CLSTN2: variants seen among roughly 807,000 people sequenced by gnomAD.
The protein encoded by CLSTN2 is calsyntenin 2.
A neutral mutation model predicts 101.2 loss-of-function variants in CLSTN2; 48 were observed. That is an observed-to-expected ratio of 0.47 (90% CI 0.38 to 0.60). The LOEUF is 0.60. Among genes scored for constraint, CLSTN2 ranks in the 20% least tolerant of loss-of-function variants. The probability of loss-of-function intolerance (pLI) is 0.00; values close to 1 mark genes in which losing one functional copy is unlikely to be tolerated. For synonymous variants in CLSTN2, 481 were observed against 463.6 expected, an observed-to-expected ratio of 1.04 and a Z score of -0.48; for missense variants, 1,160 against 1,238.2, an observed-to-expected ratio of 0.94 and a Z score of 0.95.
chr3:140,490,009 T>TATATATATATACACACAC (rs1559884815), intron 8 of CLSTN2, among the ~76,000 whole-genome samples: 3 of 290 alleles, frequency 0.01, no homozygotes, highest in African/African-American at 0.022. Flanking sequence ...AAAAAAGAAG[T>TATATATATATACACACAC]ACATGTGTGT....
At chr3:140,271,714 G>T (rs1267731824) in intron 2 of CLSTN2, among the ~76,000 whole-genome samples, 2 of 152,258 alleles carry the variant, frequency 1.3e-5, no homozygotes, top group Middle Eastern at 3.4e-3. Flanking sequence ...TTCAATGCAT[G>T]AATTTTAGAG....
intron 1 of CLSTN2, among the ~76,000 whole-genome samples, chr3:140,048,148 T>G (rs1050200405): frequency 1.3e-5 from 2 of 152,224 alleles, no homozygotes; most frequent in East Asian, 3.8e-4. Flanking sequence ...AATGTTGTCA[T>G]TATTTAAATG....
At chr3:140,195,128 GC>G (rs2010626074) in intron 2 of CLSTN2, among the ~76,000 whole-genome samples, 1 of 152,178 alleles carries the variant, frequency 6.6e-6, no homozygotes, top group African/African-American at 2.4e-5. Flanking sequence ...CTTACTCTTT[GC>G]TGACCTGGGT....
chr3:140,206,034 T>C (rs562094992), intron 2 of CLSTN2, among the ~76,000 whole-genome samples: 124 of 152,234 alleles, frequency 8.1e-4, no homozygotes, highest in African/African-American at 3.0e-3. Context: ...GATATAAACT[T>C]GAATCCACTC....
intron 8 of CLSTN2, among the ~76,000 whole-genome samples, chr3:140,474,141 C>T (rs547773356): frequency 6.6e-6 from 1 of 152,210 alleles, no homozygotes; most frequent in South Asian, 2.1e-4. Flanking sequence ...AAACTAATAC[C>T]TCACTTGTGA....
intron 8 of CLSTN2, among the ~76,000 whole-genome samples, chr3:140,497,759 G>A (rs548728188): frequency 1.3e-5 from 2 of 152,316 alleles, no homozygotes; most frequent in East Asian, 3.9e-4. Flanking sequence ...GAGTGAGCCT[G>A]AGTGACTGCT....
At chr3:139,954,647 C>G (rs1459545807) in intron 1 of CLSTN2, among the ~76,000 whole-genome samples, 2 of 152,070 alleles carry the variant, frequency 1.3e-5, no homozygotes. Context: ...CCAGATTTCT[C>G]GAGTGTCTAT....
intron 1 of CLSTN2, among the ~76,000 whole-genome samples, chr3:140,149,710 A>T (rs1047864152): frequency 2.6e-5 from 4 of 152,048 alleles, no homozygotes; most frequent in Admixed American, 1.3e-4. Context: ...ACCCACCTTG[A>T]CCTTCCAAAG....
intron 4 of CLSTN2, among the ~76,000 whole-genome samples, chr3:140,415,486 C>CAAATAAAAAAAAAAAAAA (rs2088419091): frequency 1.8e-5 from 1 of 56,868 alleles, no homozygotes; most frequent in Non-Finnish European, 3.0e-5. Flanking sequence ...CACAAAATAG[C>CAAATAAAAAAAAAAAAAA]AAAAAAAAAA....
rs183286779 is a variant in CLSTN2, at chr3:140,293,174, T to C, written c.233-110455T>C. Among the ~76,000 whole-genome samples the C allele has an allele frequency of 6.3e-3, 957 of 152,092 alleles. 5 individuals are homozygous for C. The highest frequency in any genetic ancestry group is 0.01 in the Non-Finnish European group (699 of 67,988). The stretch of plus-strand genomic sequence containing the variant: ...AATAATTAGGGATTCTTGGGAGAAG[T>C]GGATTTGAAAGAGGTATTGAAGGTG... On this transcript the variant is annotated intron_variant, in intron 2 of 16. Coordinates refer to ENST00000458420, the MANE Select transcript of CLSTN2 (RefSeq NM_022131.3).
intron 1 of CLSTN2, among the ~76,000 whole-genome samples, chr3:140,004,113 T>C (rs1426029): frequency 0.2 from 30,921 of 152,188 alleles, 3,485 homozygotes; most frequent in Admixed American, 0.34. Flanking sequence ...ATAAAAAATA[T>C]GCACTCATAT....
intron 1 of CLSTN2, among the ~76,000 whole-genome samples, chr3:140,054,736 G>C (rs1035492175): frequency 2.6e-5 from 4 of 152,242 alleles, no homozygotes; most frequent in Non-Finnish European, 4.4e-5. Flanking sequence ...AAATTCATTA[G>C]AGGAGGTCAA....
intron 1 of CLSTN2, among the ~76,000 whole-genome samples, chr3:140,138,919 A>T (rs568412069): frequency 3.3e-5 from 5 of 152,348 alleles, no homozygotes; most frequent in African/African-American, 1.2e-4. Context: ...AGTGAAGTGC[A>T]GTGGAAAGAA....
At chr3:139,949,416 C>A (rs1935258626) in intron 1 of CLSTN2, among the ~76,000 whole-genome samples, 1 of 152,118 alleles carries the variant, frequency 6.6e-6, no homozygotes, top group Non-Finnish European at 1.5e-5. Flanking sequence ...TCAGTACACA[C>A]ACATAAGGGC....
chr3:139,979,547 T>C (rs764339758), intron 1 of CLSTN2, among the ~76,000 whole-genome samples: 52 of 151,840 alleles, frequency 3.4e-4, no homozygotes, highest in Non-Finnish European at 6.5e-4. Flanking sequence ...TCTAAAAAAA[T>C]AATTTAAAAA....
intron 1 of CLSTN2, among the ~76,000 whole-genome samples, chr3:140,010,795 A>C (rs2007057631): frequency 6.6e-6 from 1 of 152,248 alleles, no homozygotes; most frequent in Non-Finnish European, 1.5e-5. Flanking sequence ...TCATGTAGAA[A>C]ATTTGAAAAG....
chr3:140,529,062 C>CACTT (rs1245806796), intron 8 of CLSTN2, among the ~76,000 whole-genome samples: 1 of 152,178 alleles, frequency 6.6e-6, no homozygotes, highest in Non-Finnish European at 1.5e-5. Flanking sequence ...CCAATTTGGC[C>CACTT]ACTTATATAA....
At chr3:140,152,424 G>A (rs1376930180) in intron 1 of CLSTN2, among the ~76,000 whole-genome samples, 1 of 152,096 alleles carries the variant, frequency 6.6e-6, no homozygotes, top group Admixed American at 6.5e-5. Context: ...ACTTCCCCTT[G>A]ACATATATTC....
chr3:140,557,370 A>T (rs554175638), intron 11 of CLSTN2, among the ~76,000 whole-genome samples: 1 of 152,358 alleles, frequency 6.6e-6, no homozygotes, highest in Admixed American at 6.5e-5. Flanking sequence ...GACAGGCACC[A>T]GAAAAAAACC....
Sources: gnomAD v4.1 joint callset for allele counts (sites outside exome capture counted in the v4.1 genomes callset) on GRCh38, gnomAD v4.1.1 for gene constraint, MANE v1.5 for transcripts, NCBI Gene and HGNC (gene_info 2026-07-23, HGNC 2026-07-21) for gene names.